The following CHST11 variants were observed in gnomAD, a reference collection of about 807,000 sequenced individuals.
The protein encoded by CHST11 is C4S-1.
In CHST11, 9 loss-of-function variants were observed where a neutral mutation model predicts 30.4. That is an observed-to-expected ratio of 0.30 (90% CI 0.18 to 0.52). CHST11 has a LOEUF of 0.52. Ranked by LOEUF, CHST11 falls within the 20% of genes least tolerant of loss-of-function variation. The probability of loss-of-function intolerance (pLI) is 0.97; values close to 1 mark genes in which losing one functional copy is unlikely to be tolerated. For missense variants in CHST11, 348 were observed against 460.6 expected (o/e 0.76, Z 2.24); for synonymous variants, 152 against 187.8 (o/e 0.81, Z 1.56).
At chr12:104,685,892 C>T (rs1280028424) in intron 2 of CHST11, among the ~76,000 whole-genome samples, 2 of 152,100 alleles carry the variant, frequency 1.3e-5, no homozygotes, top group African/African-American at 4.8e-5. Flanking sequence ...ACTTCTCTGG[C>T]AGACTCTGGT....
At chr12:104,544,768 G>GCCAC (rs1555231405) in intron 1 of CHST11, among the ~76,000 whole-genome samples, 1 of 51,938 alleles carries the variant, frequency 1.9e-5, no homozygotes, top group East Asian at 9.3e-3. Flanking sequence ...GGGGGTCACA[G>GCCAC]TCCCCCCACC....
chr12:104,607,219 G>C (rs1239464909), intron 2 of CHST11, among the ~76,000 whole-genome samples: 1 of 152,168 alleles, frequency 6.6e-6, no homozygotes, highest in African/African-American at 2.4e-5. Flanking sequence ...CCGTGGGATA[G>C]AGCATCGCAT....
chr12:104,651,648 C>A (rs2039490653), intron 2 of CHST11, among the ~76,000 whole-genome samples: 3 of 152,162 alleles, frequency 2.0e-5, no homozygotes, highest in Admixed American at 1.3e-4. Flanking sequence ...CCAGAAGTGA[C>A]CCACCCAAGG....
At chr12:104,739,453 C>T (rs192064285) in intron 2 of CHST11, among the ~76,000 whole-genome samples, 10 of 152,226 alleles carry the variant, frequency 6.6e-5, no homozygotes, top group African/African-American at 2.2e-4. Context: ...TCCGTGGCAC[C>T]GTCATCCCCA....
chr12:104,721,076 C>T (rs970821128), intron 2 of CHST11, among the ~76,000 whole-genome samples: 2 of 152,190 alleles, frequency 1.3e-5, no homozygotes, highest in African/African-American at 4.8e-5. Flanking sequence ...TGTTTGCTTA[C>T]AAAAGACTGA....
chr12:104,518,989 T>A (rs1592742653), intron 1 of CHST11, among the ~76,000 whole-genome samples: 2 of 118,604 alleles, frequency 1.7e-5, no homozygotes, highest in African/African-American at 3.4e-5. Flanking sequence ...TTTTTTTTTT[T>A]AACTCTTTCT....
At chr12:104,522,191 C>T (rs1482874762) in intron 1 of CHST11, among the ~76,000 whole-genome samples, 5 of 152,122 alleles carry the variant, frequency 3.3e-5, no homozygotes, top group Non-Finnish European at 5.9e-5. Flanking sequence ...TTTTTCCACA[C>T]AATTTAGGAG....
chr12:104,457,239 C>G lies in CHST11; in HGVS notation c.-173C>G. On this transcript the variant is annotated 5_prime_UTR_variant, in exon 1 of 3. Transcript: ENST00000303694. ...ACCAACTCCGGCACCTTCCACACCC[C>G]TGCCCGGGCTGGGGGCTCCGAGAGC... The G allele has an allele frequency of 3.4e-6, 2 of 581,292 alleles. No homozygotes were observed. Among genetic ancestry groups the G allele is most frequent in the Non-Finnish European group, 6.1e-6 (2 of 325,380 alleles). 36.0% of individuals were successfully genotyped at this position (581,292 alleles called of 1,614,324 possible).
intron 1 of CHST11, among the ~76,000 whole-genome samples, chr12:104,574,188 A>G (rs1425585443): frequency 6.6e-6 from 1 of 152,188 alleles, no homozygotes; most frequent in South Asian, 2.1e-4. Context: ...TTAGAATGGC[A>G]ATCATTAAAA....
In CHST11 at chr12:104,729,143, G is replaced by C. The variant is rs2040237220; in HGVS notation, c.205-27806G>C. 6.6e-6 allele frequency among the ~76,000 whole-genome samples: 1 copy of C among 152,162 alleles called. No homozygotes were observed. Among genetic ancestry groups the C allele is most frequent in the African/African-American group, 2.4e-5 (1 of 41,420 alleles). On this transcript the variant is annotated intron_variant, in intron 2 of 2. Transcript: ENST00000303694. This position sits in a 1 kb window ranked among gnomAD's most constrained non-coding sequence, Gnocchi z 4.0. ...GGATAACAGCAAGCAGGAAACAAAA[G>C]AGACAGAAAAAACACAGAGGCCAAG...
intron 1 of CHST11, among the ~76,000 whole-genome samples, chr12:104,548,648 A>G (rs962958271): frequency 1.3e-5 from 2 of 152,202 alleles, no homozygotes; most frequent in African/African-American, 2.4e-5. Context: ...CTCATTGACC[A>G]TAGCTGGGTT....
intron 1 of CHST11, among the ~76,000 whole-genome samples, chr12:104,470,141 A>G (rs894219912): frequency 3.3e-5 from 5 of 152,250 alleles, no homozygotes; most frequent in African/African-American, 9.6e-5. Flanking sequence ...TGGATAGGAT[A>G]GACTTCCCCA....
chr12:104,713,700 A>G (rs552929825), intron 2 of CHST11, among the ~76,000 whole-genome samples: 4 of 152,050 alleles, frequency 2.6e-5, no homozygotes, highest in Non-Finnish European at 5.9e-5. Flanking sequence ...CCAGGTCCAC[A>G]CCGGGCTATG....
At chr12:104,615,611 C>T (rs1388590398) in intron 2 of CHST11, among the ~76,000 whole-genome samples, 1 of 152,172 alleles carries the variant, frequency 6.6e-6, no homozygotes, top group East Asian at 1.9e-4. Flanking sequence ...CTCTGTGCCT[C>T]ACTTGTCTCA....
chr12:104,660,719 C>T (rs2039591253), intron 2 of CHST11, among the ~76,000 whole-genome samples: 1 of 152,162 alleles, frequency 6.6e-6, no homozygotes, highest in African/African-American at 2.4e-5. Context: ...ATCCGAAACC[C>T]AGCTCTTGTA....
chr12:104,610,167 T>C (rs761629206), intron 2 of CHST11, among the ~76,000 whole-genome samples: 1 of 152,106 alleles, frequency 6.6e-6, no homozygotes, highest in Non-Finnish European at 1.5e-5. Context: ...GCTTTCATAT[T>C]TTAAAAGTCT....
chr12:104,554,999 A>G (rs2038441655), intron 1 of CHST11, among the ~76,000 whole-genome samples: 1 of 152,150 alleles, frequency 6.6e-6, no homozygotes, highest in South Asian at 2.1e-4. Flanking sequence ...GATCTCAACT[A>G]TTTCATTCAT....
chr12:104,747,837 C>T (rs1204826790), intron 2 of CHST11, among the ~76,000 whole-genome samples: 1 of 152,154 alleles, frequency 6.6e-6, no homozygotes, highest in Non-Finnish European at 1.5e-5. Flanking sequence ...GGGGCGACCT[C>T]TCTTCCTCCT....
intron 2 of CHST11, among the ~76,000 whole-genome samples, chr12:104,703,209 G>A (rs1438495645): frequency 1.3e-5 from 2 of 152,202 alleles, no homozygotes; most frequent in Admixed American, 1.3e-4. Flanking sequence ...TGTGCTAGGT[G>A]AATGCATTCA....
Sources: allele counts gnomAD v4.1 joint callset (sites outside exome capture counted in the v4.1 genomes callset), GRCh38; gene constraint gnomAD v4.1.1; non-coding constraint Gnocchi (gnomAD v3.1); transcripts MANE v1.5; gene names NCBI Gene and HGNC (gene_info 2026-07-23, HGNC 2026-07-21).